Variants in SYNJ1 observed in about 807,000 individuals in gnomAD.
SYNJ1 encodes the protein polyphosphatidylinositol phosphatase SYNJ1.
SYNJ1 carries 78 observed loss-of-function variants against 168.2 expected under a neutral mutation model. The observed-to-expected ratio is 0.46, with a 90% CI of 0.39 to 0.56. The LOEUF is 0.56. Ranked by LOEUF, SYNJ1 falls within the 20% of genes least tolerant of loss-of-function variation. SYNJ1 has a pLI of 0.00. For synonymous variants in SYNJ1, 539 were observed against 548.6 expected, an observed-to-expected ratio of 0.98 and a Z score of 0.24; for missense variants, 1,303 against 1,597.6, an observed-to-expected ratio of 0.82 and a Z score of 3.14.
chr21:32,727,936 G>A lies in SYNJ1; in HGVS notation c.-23+10C>T. ...CGCAGCAGCTCCCCGCCCCCCGCCG[G>A]CTTGCTCACCTCTTCCTCCGGCTCC... On this transcript the variant is annotated intron_variant, in intron 1 of 32. Coordinates refer to ENST00000674351, the MANE Select transcript of SYNJ1 (RefSeq NM_203446.3). The A allele has an allele frequency of 6.5e-7, 1 of 1,532,332 alleles. No individual in the cohort carries two copies. Among genetic ancestry groups the A allele is most frequent in the Non-Finnish European group, 8.7e-7 (1 of 1,145,654 alleles). The allele number at this position is 1,532,332 out of a possible 1,614,324, so 94.9% of individuals were successfully genotyped here. A position where few individuals can be genotyped will look rare whatever the true frequency, so the allele number is the denominator to read the frequency against.
At chr21:32,688,425 T>G in intron 6 of SYNJ1, 58 bp from the exon 7 acceptor site, 4,716 of 1,004,794 alleles carry the variant, frequency 4.7e-3, no homozygotes, top group Non-Finnish European at 6.5e-3. Context: ...ACGAAAGAAA[T>G]ATCACTGCTT....
chr21:32,722,876 G>A (rs2043299288), intron 2 of SYNJ1, among the ~76,000 whole-genome samples: 1 of 152,088 alleles, frequency 6.6e-6, no homozygotes, highest in Non-Finnish European at 1.5e-5. Context: ...CTACTTAGTA[G>A]CCCCATAAAA....
intron 2 of SYNJ1, among the ~76,000 whole-genome samples, chr21:32,716,737 C>G (rs2043036385): frequency 6.6e-6 from 1 of 152,196 alleles, no homozygotes; most frequent in African/African-American, 2.4e-5. Flanking sequence ...TTTTTCTTCC[C>G]TACCAACTTC....
chr21:32,681,681 C>T (rs1237267245), intron 10 of SYNJ1, 33 bp from the exon 11 acceptor site: 2 of 1,571,612 alleles, frequency 1.3e-6, no homozygotes, highest in African/African-American at 2.8e-5. Flanking sequence ...TTTATAAGTA[C>T]ATTAATATAT....
At chr21:32,653,598 C>T (rs2040354535) in intron 21 of SYNJ1, 27 of 441,450 alleles carry the variant, frequency 6.1e-5, no homozygotes, top group South Asian at 6.0e-4. Context: ...AGAAATGAGT[C>T]TGTGCACCTC....
intron 4 of SYNJ1, among the ~76,000 whole-genome samples, chr21:32,698,441 A>G (rs1487182061): frequency 6.6e-6 from 1 of 152,232 alleles, no homozygotes; most frequent in African/African-American, 2.4e-5. Context: ...GAAAAAGTAC[A>G]CAAGAGGAAA....
At chr21:32,679,744 T>C (rs560841188) in intron 11 of SYNJ1, among the ~76,000 whole-genome samples, 15 of 152,270 alleles carry the variant, frequency 9.9e-5, no homozygotes, top group African/African-American at 3.6e-4. Flanking sequence ...AAGCAATTAA[T>C]GTTTGGCATT....
intron 2 of SYNJ1, among the ~76,000 whole-genome samples, chr21:32,723,102 A>C (rs377225810): frequency 6.6e-6 from 1 of 152,254 alleles, no homozygotes; most frequent in East Asian, 1.9e-4. Flanking sequence ...ATAATGTCAT[A>C]ACATCATGAC....
At chr21:32,690,589 C>T (rs927122818) in intron 6 of SYNJ1, among the ~76,000 whole-genome samples, 1 of 152,088 alleles carries the variant, frequency 6.6e-6, no homozygotes, top group Non-Finnish European at 1.5e-5. Context: ...CATAACTTTA[C>T]CCAATTAAAA....
upstream of SYNJ1, chr21:32,728,135 G>A: frequency 1.4e-6 from 2 of 1,385,916 alleles, no homozygotes; most frequent in South Asian, 1.5e-5. Context: ...GACCGGCTGG[G>A]CCTGGCACCC....
At chr21:32,708,092 C>T (rs1027939787) in intron 2 of SYNJ1, among the ~76,000 whole-genome samples, 1 of 152,182 alleles carries the variant, frequency 6.6e-6, no homozygotes, top group African/African-American at 2.4e-5. Flanking sequence ...CATTCAACAA[C>T]TCCTCAGTTA....
chr21:32,728,116 C>T, upstream of SYNJ1: 1 of 1,454,250 alleles, frequency 6.9e-7, no homozygotes, highest in African/African-American at 1.5e-5. Flanking sequence ...ACCACGCCCA[C>T]TCTGCGCCGA....
At chr21:32,634,778 T>G in intron 32 of SYNJ1, 83 bp downstream of exon 32, 3 of 1,439,724 alleles carry the variant, frequency 2.1e-6, no homozygotes, top group Non-Finnish European at 2.9e-6. Flanking sequence ...GGGTGAAACT[T>G]TAGATGTATG....
intron 25 of SYNJ1, 79 bp from the exon 26 acceptor site, chr21:32,645,085 T>G: frequency 7.3e-7 from 1 of 1,376,176 alleles, no homozygotes; most frequent in African/African-American, 1.5e-5. Flanking sequence ...ATTGCTATAG[T>G]ATCCATGACA....
At chr21:32,639,267 G>A (rs1266946724) in intron 30 of SYNJ1, 142 bp from the exon 31 acceptor site, 1 of 755,004 alleles carries the variant, frequency 1.3e-6, no homozygotes, top group Admixed American at 2.9e-5. Context: ...AATGAAGGAA[G>A]GATATAGCTA....
At chr21:32,637,528 C>A (rs2039631731) in intron 31 of SYNJ1, among the ~76,000 whole-genome samples, 1 of 151,546 alleles carries the variant, frequency 6.6e-6, no homozygotes, top group Non-Finnish European at 1.5e-5. Context: ...CCTGTCTCAG[C>A]CTCCTGAGTA....
intron 2 of SYNJ1, among the ~76,000 whole-genome samples, chr21:32,726,550 T>C (rs1234759711): frequency 6.6e-6 from 1 of 152,066 alleles, no homozygotes; most frequent in East Asian, 1.9e-4. Context: ...GAAAGCAAAA[T>C]CCTGCAACCA....
intron 27 of SYNJ1, among the ~76,000 whole-genome samples, chr21:32,642,567 T>C (rs760178023): frequency 7.2e-5 from 11 of 152,240 alleles, no homozygotes; most frequent in Non-Finnish European, 1.2e-4. Context: ...AAGAGGCTCC[T>C]AGTAGCAATA....
intron 23 of SYNJ1, among the ~76,000 whole-genome samples, chr21:32,649,242 C>T (rs979823831): frequency 3.9e-5 from 6 of 152,214 alleles, no homozygotes; most frequent in Non-Finnish European, 8.8e-5. Context: ...CCAGCTGTAT[C>T]TGGCATAAAG....
Sources: allele counts gnomAD v4.1 joint callset (sites outside exome capture counted in the v4.1 genomes callset), GRCh38; gene constraint gnomAD v4.1.1; transcripts MANE v1.5; gene names NCBI Gene and HGNC (gene_info 2026-07-23, HGNC 2026-07-21).